The following LIPT1 variants were observed in gnomAD, a reference collection of about 807,000 sequenced individuals.
LIPT1 encodes lipoyl amidotransferase LIPT1, mitochondrial.
In LIPT1, 22 loss-of-function variants were observed where a neutral mutation model predicts 25.1. The ratio of observed to expected loss-of-function variants is 0.88; its 90% CI spans 0.63 to 1.25. The LOEUF is 1.25. Among genes scored for constraint, LIPT1 ranks in the 50% most tolerant of loss-of-function variants. LIPT1 has a pLI of 0.00. For synonymous variants in LIPT1, 131 were observed against 150.8 expected (o/e 0.87, Z 0.96); for missense variants, 399 against 432.8 (o/e 0.92, Z 0.69).
At position 99,154,989 on chromosome 2, in the gene LIPT1, T is replaced by C. The variant is rs1442382746; in HGVS notation, c.-64T>C. 2.2e-6 allele frequency: 1 copy of C among 455,626 alleles called. No homozygotes were observed. 28.2% of individuals were successfully genotyped at this position (455,626 alleles called of 1,614,324 possible). ...CGCAAGGCCTGCCGGTTGCTCGGGG[T>C]CGTATGACGCACTTTTCCAGCTCGA... On this transcript the variant is annotated 5_prime_UTR_variant, in exon 1 of 2. Transcript: ENST00000651691.
intron 1 of LIPT1, among the ~76,000 whole-genome samples, chr2:99,158,460 C>T (rs994978453): frequency 1.4e-5 from 2 of 144,814 alleles, no homozygotes; most frequent in East Asian, 4.0e-4. Context: ...AATAGCCAGG[C>T]GTGGTGGCAC....
intron 1 of LIPT1, 65 bp from the exon 2 acceptor site, chr2:99,161,892 T>C: frequency 7.3e-7 from 1 of 1,364,978 alleles, no homozygotes; most frequent in East Asian, 2.3e-5. Flanking sequence ...AATTGATAGT[T>C]AGAAAATAGA....
chr2:99,155,201 T>G (rs2093738326), intron 1 of LIPT1, 150 bp downstream of exon 1: 3 of 389,614 alleles, frequency 7.7e-6, no homozygotes, highest in Non-Finnish European at 1.5e-5. Flanking sequence ...TGTGCACACT[T>G]TCTCCTCAGC....
At position 99,162,949 on chromosome 2, in the gene LIPT1, T is replaced by G; in HGVS notation, c.992T>G (p.Leu331Arg). 6.2e-7 allele frequency: 1 copy of G among 1,614,010 alleles called. No homozygotes were observed. The highest frequency in any genetic ancestry group is 1.1e-5 in the South Asian group (1 of 91,044). Residue 331 changes from leucine to arginine, a missense_variant, in exon 2 of 2, where the codon CTT (leucine) becomes CGT (arginine). Coordinates refer to ENST00000651691, the MANE Select transcript of LIPT1 (RefSeq NM_145199.3). The stretch of plus-strand genomic sequence containing the variant: ...ATACGTGACAAATTAAATTCAAGTC[T>G]TATTGGCAGTAAGTTTTGCCCAACT... ...LEIRDKLNSS[L>R]IGSKFCPTET...
At chr2:99,155,259 C>T (rs1405316072) in intron 1 of LIPT1, 2 of 367,094 alleles carry the variant, frequency 5.4e-6, no homozygotes, top group African/African-American at 4.3e-5. Context: ...ATCCCGAACA[C>T]AGGAGGGAGG....
chr2:99,162,490 G>C lies in LIPT1; in HGVS notation c.533G>C (p.Cys178Ser). 6.2e-7 allele frequency: 1 copy of C among 1,614,074 alleles called. No homozygotes were observed. Among genetic ancestry groups the C allele is most frequent in the Non-Finnish European group, 8.5e-7 (1 of 1,180,026 alleles). Residue 178 changes from cysteine to serine, a missense_variant, in exon 2 of 2, where the codon TGC (cysteine) becomes TCC (serine). Cys to Ser is a moderately radical substitution (Grantham distance 112). Transcript: ENST00000651691. ...KIGRTTAYHH[C>S]TLLCSTDGTF... ...GGCCGGACTACTGCCTATCACCATTGCACTTTATTATGTAGTACTGATGGG... is the reference window on the plus strand; with the variant it reads ...GGCCGGACTACTGCCTATCACCATTCCACTTTATTATGTAGTACTGATGGG...
chr2:99,161,026 G>A (rs1420626438), intron 1 of LIPT1, among the ~76,000 whole-genome samples: 1 of 151,672 alleles, frequency 6.6e-6, no homozygotes, highest in Non-Finnish European at 1.5e-5. Context: ...CACTTTGGGA[G>A]GCTGAGGCGG....
intron 1 of LIPT1, 104 bp from the exon 2 acceptor site, chr2:99,161,853 A>C (rs1040955593): frequency 1.2e-5 from 12 of 1,025,112 alleles, no homozygotes; most frequent in Non-Finnish European, 1.4e-5. Flanking sequence ...ACTGCACTGG[A>C]TACTTTAAGT....
At position 99,162,915 on chromosome 2, in the gene LIPT1, C is replaced by G. The variant is rs2093808496; in HGVS notation, c.958C>G (p.Pro320Ala). The change falls in exon 2 of 2, where the codon CCA (proline) becomes GCA (alanine). Residue 320 changes from proline (P) to alanine (A), a missense_variant. Transcript: ENST00000651691. ...CNIEAPDHWL[P>A]LEIRDKLNSS... ...TATTGAAGCACCTGATCATTGGTTG[C>G]CATTGGAAATACGTGACAAATTAAA... 6.2e-7 allele frequency: 1 copy of G among 1,613,404 alleles called. No homozygotes were observed. The highest frequency in any genetic ancestry group is 8.5e-7 in the Non-Finnish European group (1 of 1,179,808).
chr2:99,155,970 A>G (rs556190138), intron 1 of LIPT1, among the ~76,000 whole-genome samples: 16 of 152,376 alleles, frequency 1.1e-4, no homozygotes, highest in Admixed American at 5.9e-4. Flanking sequence ...GCACAGGCTC[A>G]TCTGAATATC....
At chr2:99,157,466 G>T (rs1157854074) in intron 1 of LIPT1, among the ~76,000 whole-genome samples, 2 of 152,100 alleles carry the variant, frequency 1.3e-5, no homozygotes, top group Non-Finnish European at 2.9e-5. Flanking sequence ...TACTGCCCTA[G>T]CTTTTCCACT....
At chr2:99,159,224 C>T (rs930648022) in intron 1 of LIPT1, among the ~76,000 whole-genome samples, 2 of 151,784 alleles carry the variant, frequency 1.3e-5, no homozygotes, top group African/African-American at 4.8e-5. Context: ...CCACCATGCC[C>T]GGCTAATTTT....
chr2:99,161,890 G>C (rs2093795890), intron 1 of LIPT1, 67 bp from the exon 2 acceptor site: 6 of 1,362,680 alleles, frequency 4.4e-6, no homozygotes, highest in Non-Finnish European at 6.0e-6. Context: ...ATAATTGATA[G>C]TTAGAAAATA....
chr2:99,155,004 T>C lies in LIPT1; in HGVS notation c.-49T>C. 2.2e-6 allele frequency: 1 copy of C among 456,026 alleles called. No individual in the cohort carries two copies. The highest frequency in any genetic ancestry group is 4.4e-6 in the Non-Finnish European group (1 of 226,778). 28.2% of individuals were successfully genotyped at this position (456,026 alleles called of 1,614,324 possible). A position where few individuals can be genotyped will look rare whatever the true frequency, so the allele number is the denominator to read the frequency against. ...TTGCTCGGGGTCGTATGACGCACTTTTCCAGCTCGAGCCCTCACGAGGCCG... is the reference window on the plus strand; with the variant it reads ...TTGCTCGGGGTCGTATGACGCACTTCTCCAGCTCGAGCCCTCACGAGGCCG... On this transcript the variant is annotated 5_prime_UTR_variant, in exon 1 of 2. Transcript: ENST00000651691.
rs1417074425 is a variant in LIPT1, at chr2:99,162,184, G to A, written c.227G>A (p.Arg76Lys). 4 of 1,614,012 alleles carry A rather than the reference G, an allele frequency of 2.5e-6. No homozygotes were observed. The South Asian group carries it at 4.4e-5, about 18-fold the overall frequency. ...AATTCTCCCTCTGTTGTAATTGGTA[G>A]GCATCAAAATCCTTGGCAGGAATGT... The part of the protein sequence containing the change: ...WQNSPSVVIG[R>K]HQNPWQECNL... Residue 76 changes from arginine to lysine, a missense_variant, in exon 2 of 2, where the codon AGG (arginine) becomes AAG (lysine). By Grantham distance (26) the Arg-to-Lys change is conservative. Coordinates refer to ENST00000651691, the MANE Select transcript of LIPT1 (RefSeq NM_145199.3).
intron 1 of LIPT1, among the ~76,000 whole-genome samples, chr2:99,160,904 A>G (rs2093781875): frequency 1.3e-5 from 2 of 152,132 alleles, no homozygotes; most frequent in South Asian, 4.1e-4. Flanking sequence ...ACCTAAAATT[A>G]CAGACTAAGA....
intron 1 of LIPT1, among the ~76,000 whole-genome samples, chr2:99,157,994 T>A (rs1376734244): frequency 6.6e-6 from 1 of 152,240 alleles, no homozygotes; most frequent in Admixed American, 6.5e-5. Context: ...TATTGTGTAC[T>A]TTCTTCAGTG....
At chr2:99,155,955 TA>T (rs2093748046) in intron 1 of LIPT1, among the ~76,000 whole-genome samples, 1 of 152,234 alleles carries the variant, frequency 6.6e-6, no homozygotes, top group Non-Finnish European at 1.5e-5. Context: ...CTACAGTGAA[TA>T]ATTGCACAGG....
chr2:99,162,412 T>C lies in LIPT1; in HGVS notation c.455T>C (p.Phe152Ser). ...CTGGATGTGCAGGCTACCAAAAGAT[T>C]TGACCTTTTACTTGATGGACAGTTT... Reference protein sequence around the residue: ...PQLDVQATKRFDLLLDGQFKI... With the variant: ...PQLDVQATKRSDLLLDGQFKI... The change falls in exon 2 of 2, where the codon TTT (phenylalanine) becomes TCT (serine). Residue 152 changes from phenylalanine to serine, a missense_variant. Transcript: ENST00000651691. The C allele has an allele frequency of 6.2e-7, 1 of 1,614,056 alleles. No individual in the cohort carries two copies. The highest frequency in any genetic ancestry group is 8.5e-7 in the Non-Finnish European group (1 of 1,180,032).
Sources: allele counts gnomAD v4.1 joint callset (sites outside exome capture counted in the v4.1 genomes callset), GRCh38; gene constraint gnomAD v4.1.1; transcripts MANE v1.5; gene names NCBI Gene and HGNC (gene_info 2026-07-23, HGNC 2026-07-21).